Variants in C6 observed in about 807,000 individuals in gnomAD.
C6 encodes the protein complement component C6.
In C6, 101 loss-of-function variants were observed where a neutral mutation model predicts 112.9. The ratio of observed to expected loss-of-function variants is 0.89; its 90% CI spans 0.76 to 1.06. The LOEUF (loss-of-function observed/expected upper bound fraction) is 1.06, where lower values mean the gene tolerates loss of function less well. Ranked by LOEUF, C6 falls within the 50% of genes least tolerant of loss-of-function variation. The probability of loss-of-function intolerance (pLI) is 0.00; values close to 1 mark genes in which losing one functional copy is unlikely to be tolerated. For synonymous variants in C6, 431 were observed against 384.1 expected (o/e 1.12, Z -1.43); for missense variants, 1,202 against 1,104.6 (o/e 1.09, Z -1.25).
chr5:41,162,319 T>C (rs1289044240), intron 9 of C6, among the ~76,000 whole-genome samples: 1 of 152,132 alleles, frequency 6.6e-6, no homozygotes, highest in African/African-American at 2.4e-5. Flanking sequence ...GTGCCCAGAA[T>C]AAGATAAGTC....
chr5:41,176,233 C>A lies in C6; in HGVS notation c.1168+242G>T, dbSNP rs145222482. Among the ~76,000 whole-genome samples the A allele has an allele frequency of 4.6e-3, 705 of 152,234 alleles. 5 individuals carry two copies. Among genetic ancestry groups the A allele is most frequent in the African/African-American group, 0.015 (616 of 41,532 alleles). On this transcript the variant is annotated intron_variant, in intron 8 of 17. Coordinates refer to ENST00000337836, the MANE Select transcript of C6 (RefSeq NM_000065.5). ...TCCCAGATGTTAGGAAATTTAGAGACAAATATGATGCCTAAAATCACAGTG... is the reference window on the plus strand; with the variant it reads ...TCCCAGATGTTAGGAAATTTAGAGAAAAATATGATGCCTAAAATCACAGTG...
At chr5:41,170,506 A>G (rs1326082054) in intron 9 of C6, among the ~76,000 whole-genome samples, 1 of 151,936 alleles carries the variant, frequency 6.6e-6, no homozygotes, top group Non-Finnish European at 1.5e-5. Context: ...CTGATATAGA[A>G]TCTGTATTCA....
At position 41,172,726 on chromosome 5, in the gene C6, T is replaced by A. The variant is rs573668182; in HGVS notation, c.1169-379A>T. The A allele has an allele frequency of 2.2e-5, 7 of 316,424 alleles. No individual in the cohort carries two copies. The East Asian group carries it at 5.3e-4, about 24-fold the overall frequency. The allele number at this position is 316,424 out of a possible 1,614,324, so 19.6% of individuals were successfully genotyped here. Reference sequence around the variant, plus strand: ...CCTTTCTATTGGCCGCTGCACTGTGTAGCCCTGCAAATCAAAAGATTATGA... The same window carrying A: ...CCTTTCTATTGGCCGCTGCACTGTGAAGCCCTGCAAATCAAAAGATTATGA... On this transcript the variant is annotated intron_variant, in intron 8 of 17. Transcript: ENST00000337836.
intron 5 of C6, among the ~76,000 whole-genome samples, chr5:41,187,862 C>A (rs2150338281): frequency 1.3e-5 from 2 of 152,202 alleles, no homozygotes; most frequent in South Asian, 4.1e-4. Context: ...CTATCTCTCC[C>A]ATTTTTTCCA....
At chr5:41,208,615 A>G (rs1751631576) in intron 1 of C6, among the ~76,000 whole-genome samples, 1 of 152,210 alleles carries the variant, frequency 6.6e-6, no homozygotes, top group African/African-American at 2.4e-5. Flanking sequence ...AAACTAGAAA[A>G]TCTAGAAGAA....
chr5:41,239,519 T>C (rs1179453018), intron 1 of C6, among the ~76,000 whole-genome samples: 1 of 152,100 alleles, frequency 6.6e-6, no homozygotes, highest in East Asian at 1.9e-4. Flanking sequence ...CTATACACTA[T>C]ATATAGTATA....
At position 41,186,077 on chromosome 5, in the gene C6, C is replaced by T. The variant is rs143027872; in HGVS notation, c.719G>A (p.Gly240Asp). 5 of 1,613,964 alleles carry T rather than the reference C, an allele frequency of 3.1e-6. No individual in the cohort carries two copies. The highest frequency in any genetic ancestry group is 2.7e-5 in the African/African-American group (2 of 75,032). Residue 240 changes from glycine (G) to aspartate (D), a missense_variant, in exon 6 of 18, where the codon GGC becomes GAC. By Grantham distance (94) the Gly-to-Asp change is moderately conservative. Coordinates refer to ENST00000337836, the MANE Select transcript of C6 (RefSeq NM_000065.5). Reference protein sequence around the residue: ...YRVPANLENVGFEVQTAEDDL... With the variant: ...YRVPANLENVDFEVQTAEDDL... Reference sequence around the variant, plus strand: ...CATGCTAGGCTGTCATACCTCAAAGCCGACATTTTCCAGATTGGCCGGAAC... The same window carrying T: ...CATGCTAGGCTGTCATACCTCAAAGTCGACATTTTCCAGATTGGCCGGAAC...
intron 1 of C6, among the ~76,000 whole-genome samples, chr5:41,236,462 G>T (rs1740310253): frequency 6.7e-6 from 1 of 150,352 alleles, no homozygotes; most frequent in African/African-American, 2.5e-5. Context: ...TGAACAACCT[G>T]CTCCTGAATG....
intron 1 of C6, among the ~76,000 whole-genome samples, chr5:41,228,699 T>C (rs1739685461): frequency 6.6e-6 from 1 of 152,182 alleles, no homozygotes; most frequent in Non-Finnish European, 1.5e-5. Flanking sequence ...TTTTTCTGCA[T>C]CTATTGAGAT....
rs1747187201 is a variant in C6 at position 41,158,856 on chromosome 5, T to C, written c.1857-71A>G. On this transcript the variant is annotated intron_variant, in intron 12 of 17. Coordinates refer to ENST00000337836, the MANE Select transcript of C6 (RefSeq NM_000065.5). ...ACATTTACATGTGTGTATATGCTTATGTGTATACATGTGTACACATTGCAT... is the reference window on the plus strand; with the variant it reads ...ACATTTACATGTGTGTATATGCTTACGTGTATACATGTGTACACATTGCAT... 6.1e-6 allele frequency: 6 copies of C among 986,936 alleles called. No individual in the cohort carries two copies. The South Asian group carries it at 7.8e-5, about 13-fold the overall frequency. The allele number at this position is 986,936 out of a possible 1,614,324, so 61.1% of individuals were successfully genotyped here.
chr5:41,227,085 A>T (rs1040590922), intron 1 of C6, among the ~76,000 whole-genome samples: 1 of 152,100 alleles, frequency 6.6e-6, no homozygotes, highest in Admixed American at 6.6e-5. Flanking sequence ...AGTGTGTAAG[A>T]GTTTTCTTTC....
At chr5:41,226,140 G>T (rs911614535) in intron 1 of C6, among the ~76,000 whole-genome samples, 3 of 152,116 alleles carry the variant, frequency 2.0e-5, no homozygotes, top group African/African-American at 7.2e-5. Flanking sequence ...CACAGCAAAA[G>T]AAACCATCAT....
chr5:41,158,473 TTAGTC>T (rs1747133295), intron 13 of C6, among the ~76,000 whole-genome samples, 196 bp downstream of exon 13: 1 of 152,170 alleles, frequency 6.6e-6, no homozygotes, highest in Non-Finnish European at 1.5e-5. Flanking sequence ...CTGCTATACT[TTAGTC>T]TAACAACTGG....
chr5:41,210,653 GC>G (rs1195474448), intron 1 of C6, among the ~76,000 whole-genome samples: 1 of 152,124 alleles, frequency 6.6e-6, no homozygotes, highest in African/African-American at 2.4e-5. Context: ...ATCATCGCTG[GC>G]CATCAGAGAA....
intron 7 of C6, 33 bp from the exon 8 acceptor site, chr5:41,176,748 A>G (rs1245031176): frequency 1.8e-5 from 28 of 1,588,058 alleles, no homozygotes; most frequent in Non-Finnish European, 2.3e-5. Flanking sequence ...AAGATGATTA[A>G]AGGTAATGAA....
chr5:41,199,340 A>C (rs1750837179), intron 4 of C6, among the ~76,000 whole-genome samples: 1 of 152,152 alleles, frequency 6.6e-6, no homozygotes, highest in Non-Finnish European at 1.5e-5. Flanking sequence ...TGTTTTTGTA[A>C]AGAAAATTTT....
intron 9 of C6, among the ~76,000 whole-genome samples, chr5:41,169,247 A>G (rs186058326): frequency 7.0e-4 from 107 of 152,236 alleles, no homozygotes; most frequent in Admixed American, 1.3e-3. Context: ...ACTCTAGGAT[A>G]CTATCTGGCC....
At chr5:41,164,310 G>A (rs1747797237) in intron 9 of C6, among the ~76,000 whole-genome samples, 1 of 152,170 alleles carries the variant, frequency 6.6e-6, no homozygotes, top group South Asian at 2.1e-4. Context: ...CATGTTCCTG[G>A]AAGGAAAGGT....
chr5:41,222,711 A>T (rs1425219880), intron 1 of C6, among the ~76,000 whole-genome samples: 1 of 152,180 alleles, frequency 6.6e-6, no homozygotes, highest in Non-Finnish European at 1.5e-5. Flanking sequence ...TGCTCTTACG[A>T]GTCAGGTAGT....
Sources: gnomAD v4.1 joint callset for allele counts (sites outside exome capture counted in the v4.1 genomes callset) on GRCh38, gnomAD v4.1.1 for gene constraint, MANE v1.5 for transcripts, NCBI Gene and HGNC (gene_info 2026-07-23, HGNC 2026-07-21) for gene names.